PCLO: variants seen among roughly 807,000 people sequenced by gnomAD.
PCLO encodes protein piccolo.
PCLO carries 82 observed loss-of-function variants against 427.5 expected under a neutral mutation model. The observed-to-expected ratio is 0.19, with a 90% CI of 0.16 to 0.23. The LOEUF (loss-of-function observed/expected upper bound fraction) is 0.23, where lower values mean the gene tolerates loss of function less well. PCLO is among the 10% of genes least tolerant of loss of function. The pLI is 1.00. For missense variants in PCLO, 6,239 were observed against 6,115.9 expected, an observed-to-expected ratio of 1.02 and a Z score of -0.67; for synonymous variants, 2,357 against 2,155.4, an observed-to-expected ratio of 1.09 and a Z score of -2.59.
intron 22 of PCLO, among the ~76,000 whole-genome samples, chr7:82,764,068 A>C (rs1790483588): frequency 6.6e-6 from 1 of 152,010 alleles, no homozygotes; most frequent in African/African-American, 2.4e-5. Flanking sequence ...ATTGAGCAGT[A>C]CATAGGTTGG....
intron 3 of PCLO, among the ~76,000 whole-genome samples, chr7:82,983,987 T>C (rs956630240): frequency 6.6e-6 from 1 of 151,930 alleles, no homozygotes; most frequent in Non-Finnish European, 1.5e-5. Context: ...TTCAGCTTCA[T>C]TTGACACTCT....
At chr7:82,888,416 T>C (rs531020971) in intron 9 of PCLO, among the ~76,000 whole-genome samples, 1 of 152,340 alleles carries the variant, frequency 6.6e-6, no homozygotes, top group East Asian at 1.9e-4. Flanking sequence ...CCATAACTTA[T>C]CCAAATCACA....
Position 83,162,849 on chromosome 7 carries a change from C to T in PCLO, c.-257G>A. On this transcript the variant is annotated 5_prime_UTR_variant, in exon 1 of 25. Coordinates refer to ENST00000333891, the MANE Select transcript of PCLO (RefSeq NM_033026.6). ...CTTTGCAGAAGACACCTCCCGGACG[C>T]CGCCTCGGCGCCCCGAGCCGGGGAG... 1.9e-6 allele frequency: 1 copy of T among 520,328 alleles called. No homozygotes were observed. The allele number at this position is 520,328 out of a possible 1,614,324, so 32.2% of individuals were successfully genotyped here.
Position 82,915,711 on chromosome 7 carries a change from G to C in PCLO, c.12275C>G (p.Thr4092Arg), listed in dbSNP as rs1379768982. ...TTETRRSQEVTDFLAPLQSSS... is the reference protein window; with the variant it reads ...TTETRRSQEVRDFLAPLQSSS... ...AGACTGTAAAGGTGCTAGGAAATCT[G>C]TCACTTCTTGAGACCGGCGTGTCTC... Residue 4092 changes from threonine (T) to arginine (R), a missense_variant, in exon 7 of 25, where the codon ACA (threonine) becomes AGA (arginine). Thr to Arg is a moderately conservative substitution (Grantham distance 71). This residue lies in a region of PCLO where 680 missense variants were observed against 677.3 expected (regional missense o/e 1.00). Coordinates refer to ENST00000333891, the MANE Select transcript of PCLO (RefSeq NM_033026.6). The C allele has an allele frequency of 6.2e-7, 1 of 1,612,430 alleles. No individual in the cohort carries two copies. The highest frequency in any genetic ancestry group is 2.2e-5 in the East Asian group (1 of 44,668).
At chr7:83,074,747 T>A (rs545209090) in intron 3 of PCLO, among the ~76,000 whole-genome samples, 1 of 152,264 alleles carries the variant, frequency 6.6e-6, no homozygotes, top group East Asian at 1.9e-4. Context: ...TTAAAATCCA[T>A]CTGCTTGGAA....
Position 83,091,671 on chromosome 7 carries a change from T to C in PCLO, c.3300+42579A>G, listed in dbSNP as rs573451363. Among the ~76,000 whole-genome samples, 5 of 152,318 alleles carry C rather than the reference T, an allele frequency of 3.3e-5. No homozygotes were observed. The South Asian group carries it at 8.3e-4, about 25-fold the overall frequency. ...CATACTGATGTCAATTTTGTACATT[T>C]GCTTATAATAAATGTTCAATTGATT... On this transcript the variant is annotated intron_variant, in intron 3 of 24. Transcript: ENST00000333891.
In PCLO at chr7:82,954,602, T is replaced by C; in HGVS notation, c.6351A>G (p.Thr2117=). Residue 2117 remains threonine (T), a synonymous_variant, in exon 5 of 25, where the codon ACA becomes ACG. Transcript: ENST00000333891. The stretch of plus-strand genomic sequence containing the variant: ...AGAGTGTTGCACTGCTGGTCGAATC[T>C]GTAAGAGACGCTCCTGAGAGAACAC... ...TSSVLSGASL[T]DSTSSATLSI... is the part of the protein sequence containing the mutation. The C allele has an allele frequency of 6.2e-7, 1 of 1,613,964 alleles. No homozygotes were observed. Among genetic ancestry groups the C allele is most frequent in the Admixed American group, 1.7e-5 (1 of 60,020 alleles).
intron 6 of PCLO, among the ~76,000 whole-genome samples, chr7:82,926,575 A>C (rs1024799276): frequency 3.3e-5 from 5 of 152,194 alleles, no homozygotes; most frequent in Non-Finnish European, 5.9e-5. Flanking sequence ...AACAGCACTC[A>C]GTGTTTTATC....
intron 3 of PCLO, among the ~76,000 whole-genome samples, chr7:83,058,088 T>A (rs978901700): frequency 6.6e-6 from 1 of 152,194 alleles, no homozygotes; most frequent in Non-Finnish European, 1.5e-5. Context: ...AGCTTTCACA[T>A]GTATTTAAGG....
chr7:83,096,889 T>TA (rs1249655899), intron 3 of PCLO, among the ~76,000 whole-genome samples: 1 of 58,656 alleles, frequency 1.7e-5, no homozygotes, highest in East Asian at 7.4e-4. Flanking sequence ...ATATATTATA[T>TA]AATATATTAA....
intron 9 of PCLO, among the ~76,000 whole-genome samples, chr7:82,883,572 C>T (rs1328106652): frequency 6.6e-6 from 1 of 152,006 alleles, no homozygotes; most frequent in Non-Finnish European, 1.5e-5. Flanking sequence ...ACATCAATCA[C>T]CTTAATAACA....
chr7:83,081,704 G>C (rs1308198149), intron 3 of PCLO, among the ~76,000 whole-genome samples: 2 of 151,732 alleles, frequency 1.3e-5, no homozygotes, highest in Admixed American at 6.6e-5. Context: ...TGAGTATATA[G>C]ATATTTGAGC....
At chr7:82,945,856 A>T (rs2116401067) in intron 6 of PCLO, among the ~76,000 whole-genome samples, 1 of 152,354 alleles carries the variant, frequency 6.6e-6, no homozygotes, top group East Asian at 1.9e-4. Context: ...TAAGGACAGA[A>T]GAGGAAATGC....
rs1584013447 is a variant in PCLO at position 82,823,936 on chromosome 7, T to A, written c.14596+300A>T. 2.0e-5 allele frequency among the ~76,000 whole-genome samples: 3 copies of A among 152,166 alleles called. No individual in the cohort carries two copies. The South Asian group carries it at 6.2e-4, about 31-fold the overall frequency. ...TATCTTTATGAAATACCCAAATGCATTTTCTGAAATCATGTTATCATGGAT... is the reference window on the plus strand; with the variant it reads ...TATCTTTATGAAATACCCAAATGCAATTTCTGAAATCATGTTATCATGGAT... On this transcript the variant is annotated intron_variant, in intron 19 of 24. Coordinates refer to ENST00000333891, the MANE Select transcript of PCLO (RefSeq NM_033026.6).
chr7:83,095,896 CTTGTG>C (rs1790523448), intron 3 of PCLO, among the ~76,000 whole-genome samples: 1 of 151,964 alleles, frequency 6.6e-6, no homozygotes, highest in African/African-American at 2.4e-5. Flanking sequence ...TATGTAGACT[CTTGTG>C]TTGTTGGATG....
At chr7:82,982,180 A>T (rs1025457434) in intron 3 of PCLO, among the ~76,000 whole-genome samples, 1 of 152,128 alleles carries the variant, frequency 6.6e-6, no homozygotes, top group Non-Finnish European at 1.5e-5. Context: ...TAGAGATTAG[A>T]AGCATGGTTG....
chr7:82,851,793 G>A (rs1051055231), intron 10 of PCLO, among the ~76,000 whole-genome samples: 1 of 152,114 alleles, frequency 6.6e-6, no homozygotes, highest in Non-Finnish European at 1.5e-5. Context: ...AGCTGAACAT[G>A]GCCATCTCCC....
chr7:83,029,319 T>G (rs1197030064), intron 3 of PCLO, among the ~76,000 whole-genome samples: 1 of 150,780 alleles, frequency 6.6e-6, no homozygotes, highest in African/African-American at 2.4e-5. Context: ...CAGACACTTC[T>G]CAAAAGAAGA....
At chr7:82,842,515 A>G (rs1792392515) in intron 13 of PCLO, among the ~76,000 whole-genome samples, 1 of 152,162 alleles carries the variant, frequency 6.6e-6, no homozygotes. Flanking sequence ...CCGAAAGCAC[A>G]GGCAACAAAA....
Sources: gnomAD v4.1 joint callset for allele counts (sites outside exome capture counted in the v4.1 genomes callset) on GRCh38, gnomAD v4.1.1 for gene constraint, gnomAD v4.1.1 regional missense constraint, MANE v1.5 for transcripts, NCBI Gene and HGNC (gene_info 2026-07-23, HGNC 2026-07-21) for gene names.